NLRP11: variants seen among roughly 807,000 people sequenced by gnomAD.
NLRP11 encodes NLR family pyrin domain containing 11.
A neutral mutation model predicts 79.3 loss-of-function variants in NLRP11; 53 were observed. That is an observed-to-expected ratio of 0.67 (90% CI 0.54 to 0.84). The LOEUF is 0.84. NLRP11 is among the 40% of genes least tolerant of loss of function. The pLI, the probability that NLRP11 is intolerant of heterozygous loss-of-function variation, is 0.00. For synonymous variants in NLRP11, 518 were observed against 462.6 expected (o/e 1.12, Z -1.54); for missense variants, 1,264 against 1,255.0 (o/e 1.01, Z -0.11).
intron 5 of NLRP11, among the ~76,000 whole-genome samples, chr19:55,797,552 T>C (rs1353751603): frequency 1.3e-5 from 2 of 152,232 alleles, no homozygotes; most frequent in Non-Finnish European, 2.9e-5. Context: ...GAATGTATCA[T>C]GTGCCTAGTA....
chr19:55,785,507 A>T lies in NLRP11; in HGVS notation c.*118T>A, dbSNP rs895660223. ...CTGGATCAAGGTCACACACACACAC[A>T]CACACACACACACACACACACACAC... On this transcript the variant is annotated 3_prime_UTR_variant, in exon 10 of 10. Coordinates refer to ENST00000589093, the Ensembl canonical transcript of NLRP11. 11 of 790,272 alleles carry T rather than the reference A, an allele frequency of 1.4e-5. No homozygotes were observed. In the African/African-American group the frequency reaches 1.5e-4, roughly 11 times the overall value. 49.0% of individuals were successfully genotyped at this position (790,272 alleles called of 1,614,324 possible). A position where few individuals can be genotyped will look rare whatever the true frequency, so the allele number is the denominator to read the frequency against.
intron 2 of NLRP11, among the ~76,000 whole-genome samples, chr19:55,811,039 G>A (rs778987478): frequency 1.3e-4 from 20 of 152,018 alleles, no homozygotes; most frequent in Non-Finnish European, 2.4e-4. Context: ...CTGTTTCCTG[G>A]TACGTATTCA....
intron 1 of NLRP11, among the ~76,000 whole-genome samples, chr19:55,828,305 T>C (rs1051549417): frequency 1.2e-4 from 18 of 150,518 alleles, no homozygotes; most frequent in Non-Finnish European, 2.2e-4. Flanking sequence ...TTGGGAGATA[T>C]ACCTAATGCT....
At chr19:55,794,491 T>C (rs1242947587) in intron 6 of NLRP11, among the ~76,000 whole-genome samples, 2 of 152,210 alleles carry the variant, frequency 1.3e-5, no homozygotes, top group African/African-American at 4.8e-5. Context: ...CTGGACACAG[T>C]GGCTCACATC....
chr19:55,829,523 C>T (rs1358374320), intron 1 of NLRP11, among the ~76,000 whole-genome samples: 14 of 151,802 alleles, frequency 9.2e-5, no homozygotes, highest in African/African-American at 3.4e-4. Flanking sequence ...AAAAATTAGC[C>T]GGGCGTGGTG....
chr19:55,821,042 GA>G (rs1175048020), intron 1 of NLRP11, among the ~76,000 whole-genome samples: 1 of 152,076 alleles, frequency 6.6e-6, no homozygotes, highest in Non-Finnish European at 1.5e-5. Context: ...GGCTTGTACA[GA>G]CAACATGGCT....
At chr19:55,819,142 C>G (rs879287374) in intron 1 of NLRP11, among the ~76,000 whole-genome samples, 2,902 of 76,164 alleles carry the variant, frequency 0.038, 116 homozygotes, top group East Asian at 0.13. Context: ...CACACACACA[C>G]ACACACACAC....
upstream of NLRP11, among the ~76,000 whole-genome samples, chr19:55,835,085 G>C (rs1983120650): frequency 6.6e-6 from 1 of 152,144 alleles, no homozygotes. Flanking sequence ...GGACCACAGA[G>C]ACTTGTGTTA....
At chr19:55,816,753 G>T (rs1981155785) in intron 2 of NLRP11, among the ~76,000 whole-genome samples, 1 of 152,120 alleles carries the variant, frequency 6.6e-6, no homozygotes, top group African/African-American at 2.4e-5. Flanking sequence ...CTCTCTGCTG[G>T]GAAATCTGCT....
At chr19:55,821,707 G>A (rs966989691) in intron 1 of NLRP11, among the ~76,000 whole-genome samples, 1 of 142,456 alleles carries the variant, frequency 7.0e-6, no homozygotes, top group Non-Finnish European at 1.5e-5. Context: ...CATTAACATT[G>A]TTAGTGATGG....
chr19:55,819,914 C>T (rs931355586), intron 1 of NLRP11, among the ~76,000 whole-genome samples: 1 of 152,084 alleles, frequency 6.6e-6, no homozygotes, highest in Non-Finnish European at 1.5e-5. Context: ...ATACCAGGTA[C>T]TATGTTAGAA....
At chr19:55,786,264 G>A (rs568762247) in intron 9 of NLRP11, among the ~76,000 whole-genome samples, 7 of 152,138 alleles carry the variant, frequency 4.6e-5, no homozygotes, top group Non-Finnish European at 7.4e-5. Flanking sequence ...CCAGTCCCAC[G>A]TCTAATCCCA....
At chr19:55,821,250 C>G (rs1482961284) in intron 1 of NLRP11, among the ~76,000 whole-genome samples, 1 of 102,494 alleles carries the variant, frequency 9.8e-6, no homozygotes, top group Non-Finnish European at 2.1e-5. Context: ...CACACACACA[C>G]CCCAAGCACT....
chr19:55,797,621 T>C (rs1402495972), intron 5 of NLRP11, among the ~76,000 whole-genome samples: 1 of 152,218 alleles, frequency 6.6e-6, no homozygotes, highest in African/African-American at 2.4e-5. Flanking sequence ...GAAAAGGATG[T>C]ATTCTACTTC....
intron 9 of NLRP11, among the ~76,000 whole-genome samples, chr19:55,787,471 G>C (rs1989950832): frequency 6.6e-6 from 1 of 152,110 alleles, no homozygotes; most frequent in African/African-American, 2.4e-5. Flanking sequence ...CGAGTAGCTG[G>C]GATTACAGGT....
Position 55,809,010 on chromosome 19 carries a change from G to T in NLRP11, c.1600C>A (p.Arg534Ser), listed in dbSNP as rs115243845. Residue 534 changes from arginine to serine, a missense_variant, in exon 3 of 10, where the codon CGT (arginine) becomes AGT (serine). Transcript: ENST00000589093. This position sits in a 1 kb window ranked among gnomAD's most constrained non-coding sequence, Gnocchi z 4.5. Reference sequence around the variant, plus strand: ...TGGTGCGTCAACTTTTCCGGGTCACGGTCCAAATGTTTCATGTATCCCACC... The same window carrying T: ...TGGTGCGTCAACTTTTCCGGGTCACTGTCCAAATGTTTCATGTATCCCACC... The T allele has an allele frequency of 5.6e-6, 9 of 1,614,030 alleles. No homozygotes were observed. The highest frequency in any genetic ancestry group is 7.6e-6 in the Non-Finnish European group (9 of 1,180,002).
At chr19:55,830,117 G>A (rs1360668595) in intron 1 of NLRP11, among the ~76,000 whole-genome samples, 1 of 152,184 alleles carries the variant, frequency 6.6e-6, no homozygotes, top group Non-Finnish European at 1.5e-5. Flanking sequence ...AGGGTCCACT[G>A]TAAATCTGTT....
intron 1 of NLRP11, among the ~76,000 whole-genome samples, chr19:55,821,215 A>T (rs1427720160): frequency 2.2e-3 from 220 of 98,974 alleles, no homozygotes; most frequent in African/African-American, 0.014. Context: ...TCACACACAC[A>T]CACACACACA....
chr19:55,833,074 A>G (rs1982934895), upstream of NLRP11, among the ~76,000 whole-genome samples: 1 of 152,218 alleles, frequency 6.6e-6, no homozygotes, highest in African/African-American at 2.4e-5. Flanking sequence ...AAAAAAACTA[A>G]TTGGAATTTA....
Sources: gnomAD v4.1 joint callset for allele counts (sites outside exome capture counted in the v4.1 genomes callset) on GRCh38, gnomAD v4.1.1 for gene constraint, Gnocchi (gnomAD v3.1) non-coding constraint, MANE v1.5 for transcripts, NCBI Gene and HGNC (gene_info 2026-07-23, HGNC 2026-07-21) for gene names.